The following PREX1 variants were observed in gnomAD, a reference collection of about 807,000 sequenced individuals.
The protein encoded by PREX1 is phosphatidylinositol-3,4,5-trisphosphate dependent Rac exchange factor 1.
Under a neutral mutation model 198.3 loss-of-function variants are expected in PREX1, and 41 were observed. That is an observed-to-expected ratio of 0.21 (90% CI 0.16 to 0.27). PREX1 has a LOEUF of 0.27. Ranked by LOEUF, PREX1 falls within the 10% of genes least tolerant of loss-of-function variation. The probability of loss-of-function intolerance (pLI) is 1.00; values close to 1 mark genes in which losing one functional copy is unlikely to be tolerated. For synonymous variants in PREX1, 843 were observed against 887.2 expected, an observed-to-expected ratio of 0.95 and a Z score of 0.89; for missense variants, 1,620 against 2,200.7, an observed-to-expected ratio of 0.74 and a Z score of 5.28.
rs189927976 is a variant in PREX1, at chr20:48,814,458, G to C, written c.219+13184C>G. Among the ~76,000 whole-genome samples the C allele has an allele frequency of 1.9e-3, 289 of 152,306 alleles. 4 individuals are homozygous for C. The highest frequency in any genetic ancestry group is 6.5e-3 in the African/African-American group (270 of 41,562). ...TTGAGCTGAGAGCTGAAAGAGAAAG[G>C]GGGGTCCTTGGTACAAATCAGGGTT... On this transcript the variant is annotated intron_variant, in intron 1 of 39. Coordinates refer to ENST00000371941, the MANE Select transcript of PREX1 (RefSeq NM_020820.4).
At chr20:48,828,324 C>G (rs939015909), upstream of PREX1, among the ~76,000 whole-genome samples, 3 of 152,038 alleles carry the variant, frequency 2.0e-5, no homozygotes, top group African/African-American at 7.2e-5. Context: ...CGTGGCGCCC[C>G]CCCAACCCGC....
chr20:48,642,605 G>C (rs1216929826), intron 27 of PREX1, 116 bp from the exon 28 acceptor site: 17 of 903,736 alleles, frequency 1.9e-5, no homozygotes, highest in Non-Finnish European at 5.0e-6. Flanking sequence ...AAGGGATGTG[G>C]AGTCTGAAGA....
chr20:48,689,360 T>A (rs1473466221), intron 9 of PREX1, among the ~76,000 whole-genome samples: 1 of 149,786 alleles, frequency 6.7e-6, no homozygotes, highest in East Asian at 2.2e-4. Context: ...AAACCCGCAA[T>A]AATAAGGTGC....
chr20:48,700,858 T>C lies in PREX1; in HGVS notation c.812A>G (p.Gln271Arg), dbSNP rs559009085. ...TAACAAAGTCCCTTGCAGGAGGAGC[T>C]GAGTGCAGATGTCTGTGAGGTTGGA... ...EGSNLTDICT[Q>R]LLLQGTLLKI... Residue 271 changes from glutamine to arginine, a missense_variant, in exon 7 of 40, where the codon CAG (glutamine) becomes CGG (arginine). Coordinates refer to ENST00000371941, the MANE Select transcript of PREX1 (RefSeq NM_020820.4). 2 of 1,614,174 alleles carry C rather than the reference T, an allele frequency of 1.2e-6. No homozygotes were observed. The highest frequency in any genetic ancestry group is 2.2e-5 in the South Asian group (2 of 91,090).
chr20:48,827,273 TG>T lies in PREX1; in HGVS notation c.219+368del, dbSNP rs2090513395. Among the ~76,000 whole-genome samples the T allele has an allele frequency of 1.3e-5, 2 of 152,186 alleles. No individual in the cohort carries two copies. Among genetic ancestry groups the T allele is most frequent in the African/African-American group, 2.4e-5 (1 of 41,448 alleles). Reference sequence around the variant, plus strand: ...GGTGCACCGGGCGCGTAGTTATTCCTGGGAAAAAGACGCAGGAGCGCCAGCT... The same window carrying T: ...GGTGCACCGGGCGCGTAGTTATTCCTGGAAAAAGACGCAGGAGCGCCAGCT... On this transcript the variant is annotated intron_variant, in intron 1 of 39. Coordinates refer to ENST00000371941, the MANE Select transcript of PREX1 (RefSeq NM_020820.4). The surrounding 1 kb of genome is among the most constrained non-coding windows in gnomAD (Gnocchi z 4.1).
chr20:48,707,634 C>T (rs1718300060), intron 6 of PREX1, among the ~76,000 whole-genome samples: 1 of 152,070 alleles, frequency 6.6e-6, no homozygotes, highest in South Asian at 2.1e-4. Context: ...GGATTTTTTT[C>T]ATTTATTCAT....
chr20:48,651,423 G>A lies in PREX1; in HGVS notation c.2628C>T (p.Pro876=), dbSNP rs773033713. 9 of 1,611,008 alleles carry A rather than the reference G, an allele frequency of 5.6e-6. No individual in the cohort carries two copies. The highest frequency in any genetic ancestry group is 4.5e-5 in the East Asian group (2 of 44,818). The change falls in exon 22 of 40, where the codon CCC becomes CCT. Residue 876 remains proline (P), a synonymous_variant. Coordinates refer to ENST00000371941, the MANE Select transcript of PREX1 (RefSeq NM_020820.4). ...TGGCGGTGAGGCCGAAGCAGCCGCGGGGCTCCACGATCTTCTCCAGCACAT... is the reference window on the plus strand; with the variant it reads ...TGGCGGTGAGGCCGAAGCAGCCGCGAGGCTCCACGATCTTCTCCAGCACAT... The part of the protein sequence containing the change: ...RCHVLEKIVE[P]RGCFGLTAKI...
At position 48,629,511 on chromosome 20, in the gene PREX1, G is replaced by A; in HGVS notation, c.4704C>T (p.Ser1568=). ...CCCCCAGGCGGTAGCAGAGCTCCGA[G>A]GAGATGGGGATGAGGCCGGCGCCCA... is the stretch of plus-strand genomic sequence containing the variant. ...GSVGAGLIPI[S]SELCYRLGAC... is the part of the protein sequence containing the mutation. The change falls in exon 37 of 40, where the codon TCC becomes TCT. Residue 1568 remains serine (S), a synonymous_variant. Coordinates refer to ENST00000371941, the MANE Select transcript of PREX1 (RefSeq NM_020820.4). 1 of 1,614,122 alleles carries A rather than the reference G, an allele frequency of 6.2e-7. No homozygotes were observed. The highest frequency in any genetic ancestry group is 1.1e-5 in the South Asian group (1 of 91,090).
intron 1 of PREX1, chr20:48,821,939 G>A (rs2090487424): frequency 6.6e-6 from 1 of 152,196 alleles, no homozygotes; most frequent in African/African-American, 2.4e-5. Context: ...CCACAGGGTT[G>A]TCCTTCTTAT....
At chr20:48,663,910 G>GCACACACA (rs11472118) in intron 15 of PREX1, among the ~76,000 whole-genome samples, 4 of 150,030 alleles carry the variant, frequency 2.7e-5, no homozygotes, top group African/African-American at 7.3e-5. Context: ...GTGAGTGCGC[G>GCACACACA]CACACACACA....
chr20:48,658,371 C>G lies in PREX1; in HGVS notation c.1882-143G>C, dbSNP rs185731701. Reference sequence around the variant, plus strand: ...TCCAGGTGGGCGAGACAGAGCAAAACGCAAACAGCACCTGGCAGAGCCAGT... The same window carrying G: ...TCCAGGTGGGCGAGACAGAGCAAAAGGCAAACAGCACCTGGCAGAGCCAGT... On this transcript the variant is annotated intron_variant, in intron 16 of 39. Coordinates refer to ENST00000371941, the MANE Select transcript of PREX1 (RefSeq NM_020820.4). The G allele has an allele frequency of 5.5e-4, 405 of 739,526 alleles. 1 individual carries two copies. Among genetic ancestry groups the G allele is most frequent in the African/African-American group, 5.4e-3 (310 of 57,146 alleles). 45.8% of individuals were successfully genotyped at this position (739,526 alleles called of 1,614,324 possible).
intron 16 of PREX1, among the ~76,000 whole-genome samples, chr20:48,659,126 G>A (rs924981828): frequency 6.7e-6 from 1 of 148,382 alleles, no homozygotes; most frequent in Non-Finnish European, 1.5e-5. Context: ...CCACTGGGGA[G>A]GCAGAGGAGA....
At chr20:48,725,055 G>T (rs952320452) in intron 5 of PREX1, among the ~76,000 whole-genome samples, 1 of 152,200 alleles carries the variant, frequency 6.6e-6, no homozygotes, top group African/African-American at 2.4e-5. Flanking sequence ...TCCTGTGTTC[G>T]TGGGCAGAGC....
intron 14 of PREX1, among the ~76,000 whole-genome samples, chr20:48,668,490 G>T (rs1349123361): frequency 6.6e-6 from 1 of 152,196 alleles, no homozygotes; most frequent in African/African-American, 2.4e-5. Context: ...AAAGCCACAG[G>T]CACCACCTAG....
chr20:48,691,317 G>A lies in PREX1; in HGVS notation c.1037-221C>T, dbSNP rs1415920171. Among the ~76,000 whole-genome samples the A allele has an allele frequency of 6.6e-6, 1 of 152,276 alleles. No individual in the cohort carries two copies. The highest frequency in any genetic ancestry group is 2.4e-5 in the African/African-American group (1 of 41,564). On this transcript the variant is annotated intron_variant, in intron 8 of 39. Transcript: ENST00000371941. The surrounding 1 kb of genome is among the most constrained non-coding windows in gnomAD (Gnocchi z 5.0). ...ACCCCTCTCAACCACTCAATGACAG[G>A]GGGCTTCATTTTAAGACCTTGCATC...
intron 1 of PREX1, among the ~76,000 whole-genome samples, chr20:48,772,652 G>C (rs987412866): frequency 1.8e-4 from 28 of 152,240 alleles, no homozygotes; most frequent in African/African-American, 6.8e-4. Context: ...TGTCTGCTGA[G>C]GAAATTTACT....
At chr20:48,640,908 T>C (rs182363540) in intron 29 of PREX1, among the ~76,000 whole-genome samples, 127 of 144,896 alleles carry the variant, frequency 8.8e-4, no homozygotes, top group African/African-American at 3.1e-3. Context: ...GGTGGATGGA[T>C]AGATGGTAAG....
At chr20:48,868,186 C>G in the PREX1 span, among the ~76,000 whole-genome samples, 161 of 152,236 alleles carry the variant, frequency 1.1e-3, no homozygotes, top group African/African-American at 3.7e-3. Flanking sequence ...GTGCTTGGAG[C>G]CAGGGAGACA....
At chr20:48,799,528 G>A (rs931025894) in intron 1 of PREX1, among the ~76,000 whole-genome samples, 4 of 152,232 alleles carry the variant, frequency 2.6e-5, no homozygotes, top group Non-Finnish European at 5.9e-5. Context: ...TGCTAAAAGC[G>A]TTAGCTGGTT....
Sources: allele counts gnomAD v4.1 joint callset (sites outside exome capture counted in the v4.1 genomes callset), GRCh38; gene constraint gnomAD v4.1.1; non-coding constraint Gnocchi (gnomAD v3.1); transcripts MANE v1.5; gene names NCBI Gene and HGNC (gene_info 2026-07-23, HGNC 2026-07-21).